INO80: variants seen among roughly 807,000 people sequenced by gnomAD.
INO80 encodes the protein chromatin-remodeling ATPase INO80.
Under a neutral mutation model 203.4 loss-of-function variants are expected in INO80, and 20 were observed. The ratio of observed to expected loss-of-function variants is 0.10; its 90% CI spans 0.07 to 0.14. The LOEUF (loss-of-function observed/expected upper bound fraction) is 0.14. Among genes scored for constraint, INO80 ranks in the 10% least tolerant of loss-of-function variants. The probability of loss-of-function intolerance (pLI) is 1.00; values close to 1 mark genes in which losing one functional copy is unlikely to be tolerated. For synonymous variants in INO80, 726 were observed against 685.2 expected (o/e 1.06, Z -0.93); for missense variants, 1,419 against 1,914.4 (o/e 0.74, Z 4.83).
At chr15:41,075,161 GCA>G (rs1443421267) in intron 9 of INO80, among the ~76,000 whole-genome samples, 2 of 152,068 alleles carry the variant, frequency 1.3e-5, no homozygotes, top group Non-Finnish European at 1.5e-5. Flanking sequence ...TTCTATGGTG[GCA>G]CAGAGACAAC....
intron 24 of INO80, among the ~76,000 whole-genome samples, chr15:41,028,817 T>C (rs1054824187): frequency 2.0e-5 from 3 of 152,040 alleles, no homozygotes; most frequent in African/African-American, 7.2e-5. Context: ...GATCGCACCA[T>C]TGCACTCCAG....
intron 32 of INO80, among the ~76,000 whole-genome samples, chr15:40,984,558 A>T (rs1167494689): frequency 6.6e-6 from 1 of 152,092 alleles, no homozygotes; most frequent in East Asian, 1.9e-4. Flanking sequence ...ACTGTGGCAC[A>T]TGCCTGTAAT....
intron 27 of INO80, among the ~76,000 whole-genome samples, chr15:41,011,408 C>T (rs1455276406): frequency 6.6e-6 from 1 of 152,134 alleles, no homozygotes; most frequent in Non-Finnish European, 1.5e-5. Flanking sequence ...TCAAACATCA[C>T]GTCTAACTAA....
intron 1 of INO80, among the ~76,000 whole-genome samples, chr15:41,115,050 TATTTA>T (rs1026608963): frequency 3.6e-4 from 55 of 152,354 alleles, no homozygotes; most frequent in Admixed American, 7.2e-4. Context: ...ATAAAGCTAT[TATTTA>T]ATTTAAGTTG....
chr15:41,060,295 A>T, intron 14 of INO80, among the ~76,000 whole-genome samples: 1 of 152,120 alleles, frequency 6.6e-6, no homozygotes, highest in African/African-American at 2.4e-5. Flanking sequence ...TTTTCTTAAG[A>T]GATGTAAGAT....
intron 9 of INO80, among the ~76,000 whole-genome samples, chr15:41,079,008 G>C (rs2045444873): frequency 6.6e-6 from 1 of 152,170 alleles, no homozygotes; most frequent in Admixed American, 6.6e-5. Context: ...CAGGCATGGT[G>C]GTGGGTGCCT....
intron 27 of INO80, among the ~76,000 whole-genome samples, chr15:41,012,266 C>T (rs2044142465): frequency 6.6e-6 from 1 of 152,292 alleles, no homozygotes; most frequent in South Asian, 2.1e-4. Flanking sequence ...GTATGCCCAA[C>T]AGCCAAGATC....
chr15:41,041,968 G>T (rs1005505852), intron 24 of INO80, among the ~76,000 whole-genome samples: 2 of 150,292 alleles, frequency 1.3e-5, no homozygotes, highest in Non-Finnish European at 2.9e-5. Flanking sequence ...CTGAGTAGCT[G>T]GGACTACAGG....
chr15:41,034,848 C>T (rs950467988), intron 24 of INO80, among the ~76,000 whole-genome samples: 1 of 152,182 alleles, frequency 6.6e-6, no homozygotes, highest in Admixed American at 6.5e-5. Context: ...AACCTTGAAA[C>T]ATAATTTGTC....
intron 29 of INO80, among the ~76,000 whole-genome samples, chr15:40,992,700 C>T (rs1431937172): frequency 6.6e-6 from 1 of 152,208 alleles, no homozygotes; most frequent in Non-Finnish European, 1.5e-5. Context: ...AGAACTATTC[C>T]AGGAGCTTCT....
chr15:41,061,382 G>A (rs1203465905), intron 14 of INO80, among the ~76,000 whole-genome samples: 1 of 149,016 alleles, frequency 6.7e-6, no homozygotes, highest in Non-Finnish European at 1.5e-5. Flanking sequence ...CAAAGCAGGT[G>A]GATCACGAGC....
At chr15:40,981,369 C>T (rs1893822574) in intron 35 of INO80, among the ~76,000 whole-genome samples, 1 of 152,168 alleles carries the variant, frequency 6.6e-6, no homozygotes, top group South Asian at 2.1e-4. Context: ...TGGGTGAGAC[C>T]CTGCCACGGC....
At chr15:40,989,557 C>G (rs1412794084) in intron 29 of INO80, among the ~76,000 whole-genome samples, 1 of 152,190 alleles carries the variant, frequency 6.6e-6, no homozygotes, top group East Asian at 1.9e-4. Flanking sequence ...CATTCTAGAC[C>G]AGGCCCTCAC....
In INO80 at chr15:41,096,302, C is replaced by G; in HGVS notation, c.9G>C (p.Ser3=). 2 of 1,594,188 alleles carry G rather than the reference C, an allele frequency of 1.3e-6. No homozygotes were observed. The highest frequency in any genetic ancestry group is 2.3e-5 in the South Asian group (2 of 87,630). The change falls in exon 2 of 36, where the codon TCG becomes TCC. Residue 3 remains serine (S), a synonymous_variant. Transcript: ENST00000648947. Reference sequence around the variant, plus strand: ...CTCCATCATCCCTGGCACCCAACTCCGAGGCCATAGAACAAATCTGTCTTC... The same window carrying G: ...CTCCATCATCCCTGGCACCCAACTCGGAGGCCATAGAACAAATCTGTCTTC... MA[S]ELGARDDGGC... is the part of the protein sequence containing the mutation.
In INO80 at chr15:41,044,920, C is replaced by T. The variant is rs2044727943; in HGVS notation, c.2891G>A (p.Ser964Asn). The change falls in exon 24 of 36, where the codon AGC (serine) becomes AAC (asparagine). Residue 964 changes from serine (S) to asparagine (N), a missense_variant. This residue lies in a region of INO80 where 302 missense variants were observed against 345.4 expected (regional missense o/e 0.87). Coordinates refer to ENST00000648947, the MANE Select transcript of INO80 (RefSeq NM_017553.3). The part of the protein sequence containing the change: ...NFPLSFPNLC[S>N]CPLLKSLVFS... The stretch of plus-strand genomic sequence containing the variant: ...ATTGCTTACCTTTAACAAAGGGCAG[C>T]TGCAAAGGTTTGGAAAGGAGAGTGG... 1 of 1,609,140 alleles carries T rather than the reference C, an allele frequency of 6.2e-7. No homozygotes were observed. Among genetic ancestry groups the T allele is most frequent in the Non-Finnish European group, 8.5e-7 (1 of 1,178,628 alleles).
chr15:41,017,623 G>A (rs1042831207), intron 26 of INO80: 4 of 152,200 alleles, frequency 2.6e-5, no homozygotes, highest in African/African-American at 9.7e-5. Context: ...GAACGGATGT[G>A]CTGACAGCAC....
chr15:41,088,465 T>C (rs1418560790), intron 5 of INO80, among the ~76,000 whole-genome samples: 1 of 152,134 alleles, frequency 6.6e-6, no homozygotes, highest in Non-Finnish European at 1.5e-5. Flanking sequence ...GTCATCCCAA[T>C]TCTTGAATCT....
intron 15 of INO80, 120 bp from the exon 16 acceptor site, chr15:41,058,901 C>CCCTA: frequency 1.1e-6 from 1 of 887,202 alleles, no homozygotes; most frequent in Non-Finnish European, 1.7e-6. Context: ...ATGTGCTTCT[C>CCCTA]CCATATGGTA....
At chr15:41,007,579 C>T (rs190545172) in intron 27 of INO80, among the ~76,000 whole-genome samples, 23 of 151,850 alleles carry the variant, frequency 1.5e-4, no homozygotes, top group African/African-American at 4.8e-4. Flanking sequence ...ATATCAAGGC[C>T]AGCACAACCC....
Sources: allele counts gnomAD v4.1 joint callset (sites outside exome capture counted in the v4.1 genomes callset), GRCh38; gene constraint gnomAD v4.1.1; regional missense constraint gnomAD v4.1.1; transcripts MANE v1.5; gene names NCBI Gene and HGNC (gene_info 2026-07-23, HGNC 2026-07-21).